The following GALNT13 variants were observed in gnomAD, a reference collection of about 807,000 sequenced individuals.
The protein encoded by GALNT13 is UDP-GalNAc:polypeptide N-acetylgalactosaminyltransferase 13.
A neutral mutation model predicts 64.2 loss-of-function variants in GALNT13; 28 were observed. That is an observed-to-expected ratio of 0.44 (90% CI 0.32 to 0.60). The LOEUF (loss-of-function observed/expected upper bound fraction) is 0.60. GALNT13 is among the 20% of genes least tolerant of loss of function. GALNT13 has a pLI of 0.05. For synonymous variants in GALNT13, 214 were observed against 224.6 expected (o/e 0.95, Z 0.42); for missense variants, 577 against 669.8 (o/e 0.86, Z 1.53).
the GALNT13 span, among the ~76,000 whole-genome samples, chr2:153,450,470 T>G: frequency 2.6e-5 from 4 of 152,188 alleles, no homozygotes; most frequent in African/African-American, 9.6e-5. Context: ...AGACGCTGGT[T>G]TTGTCACTGA....
At chr2:153,497,542 T>A in the GALNT13 span, among the ~76,000 whole-genome samples, 52 of 127,426 alleles carry the variant, frequency 4.1e-4, no homozygotes, top group African/African-American at 3.3e-4. Flanking sequence ...TTTTTTTTTT[T>A]TTTTTTTTTT....
chr2:153,676,927 G>A, the GALNT13 span, among the ~76,000 whole-genome samples: 67 of 151,948 alleles, frequency 4.4e-4, no homozygotes, highest in Non-Finnish European at 5.0e-4. Flanking sequence ...TAATCATACC[G>A]AATGGGCAAA....
At chr2:153,193,617 AT>A in the GALNT13 span, among the ~76,000 whole-genome samples, 2 of 151,388 alleles carry the variant, frequency 1.3e-5, no homozygotes, top group African/African-American at 2.4e-5. Flanking sequence ...AAACAAAAAA[AT>A]AGGTTTATAA....
At chr2:153,867,343 G>T (rs1250386726), upstream of GALNT13, among the ~76,000 whole-genome samples, 1 of 152,078 alleles carries the variant, frequency 6.6e-6, no homozygotes, top group Non-Finnish European at 1.5e-5. Flanking sequence ...ACTTCTGATG[G>T]GTGTAGTGAT....
the GALNT13 span, among the ~76,000 whole-genome samples, chr2:153,247,425 A>G: frequency 2.0e-5 from 3 of 152,356 alleles, no homozygotes; most frequent in East Asian, 5.8e-4. Context: ...AATGGAAATC[A>G]TAACTAACAG....
the GALNT13 span, among the ~76,000 whole-genome samples, chr2:153,407,975 A>ACAGTAGCATTTCTTACAGTAGCATTAT: frequency 1.3e-5 from 2 of 152,182 alleles, no homozygotes; most frequent in Non-Finnish European, 2.9e-5. Context: ...GAAATGCGTG[A>ACAGTAGCATTTCTTACAGTAGCATTAT]TTTACAGTAA....
intron 3 of GALNT13, among the ~76,000 whole-genome samples, chr2:154,114,614 C>T (rs1224117386): frequency 6.6e-6 from 1 of 152,130 alleles, no homozygotes; most frequent in East Asian, 1.9e-4. Flanking sequence ...GACTCCCCTT[C>T]ATTCAAGGGG....
chr2:154,261,225 A>G (rs189207687), intron 8 of GALNT13, among the ~76,000 whole-genome samples: 2 of 152,278 alleles, frequency 1.3e-5, no homozygotes, highest in East Asian at 3.9e-4. Context: ...CTCAAAAATG[A>G]CACAGGAGGT....
At chr2:153,717,040 G>T in the GALNT13 span, among the ~76,000 whole-genome samples, 1 of 152,020 alleles carries the variant, frequency 6.6e-6, no homozygotes, top group Non-Finnish European at 1.5e-5. Flanking sequence ...TCTATAGCAG[G>T]AAGGATTAAG....
intron 12 of GALNT13, among the ~76,000 whole-genome samples, chr2:154,446,292 C>A (rs1305510664): frequency 1.3e-5 from 2 of 152,014 alleles, no homozygotes; most frequent in Admixed American, 6.6e-5. Flanking sequence ...AGAATATAAT[C>A]TTTTATATCT....
chr2:153,409,313 A>T, the GALNT13 span, among the ~76,000 whole-genome samples: 205 of 140,116 alleles, frequency 1.5e-3, 1 homozygote, highest in African/African-American at 4.9e-3. Flanking sequence ...TATATATATG[A>T]ATATGTATAT....
At chr2:153,410,678 T>G in the GALNT13 span, among the ~76,000 whole-genome samples, 76 of 152,218 alleles carry the variant, frequency 5.0e-4, no homozygotes, top group Non-Finnish European at 8.7e-4. Context: ...GATGTAGAGA[T>G]ATAATGTAAA....
At chr2:154,223,840 C>A (rs1253576943) in intron 4 of GALNT13, among the ~76,000 whole-genome samples, 1 of 151,944 alleles carries the variant, frequency 6.6e-6, no homozygotes, top group Non-Finnish European at 1.5e-5. Context: ...TGATTGCAGT[C>A]AGTAAGGCAT....
chr2:153,871,727 C>T (rs1001002919), upstream of GALNT13, among the ~76,000 whole-genome samples: 2 of 152,158 alleles, frequency 1.3e-5, no homozygotes, highest in Non-Finnish European at 2.9e-5. Flanking sequence ...GGAGCGCGCT[C>T]GGTGCGCACC....
the GALNT13 span, among the ~76,000 whole-genome samples, chr2:153,836,816 G>A: frequency 1.3e-5 from 2 of 152,002 alleles, no homozygotes; most frequent in Non-Finnish European, 2.9e-5. Context: ...CTTCATCCAT[G>A]TCCCTACAAA....
At chr2:153,724,418 C>T in the GALNT13 span, among the ~76,000 whole-genome samples, 3 of 118,346 alleles carry the variant, frequency 2.5e-5, no homozygotes, top group Admixed American at 8.3e-5. Context: ...GTCCAAAACA[C>T]CAAAAGCAAT....
At chr2:154,206,244 G>A (rs1004288412) in intron 4 of GALNT13, among the ~76,000 whole-genome samples, 24 of 151,356 alleles carry the variant, frequency 1.6e-4, no homozygotes, top group Non-Finnish European at 2.4e-4. Flanking sequence ...CTTGTGATCC[G>A]CCCGCCTCGG....
At chr2:154,334,771 TCTCTC>T (rs1695350457) in intron 9 of GALNT13, among the ~76,000 whole-genome samples, 2 of 152,028 alleles carry the variant, frequency 1.3e-5, no homozygotes, top group Non-Finnish European at 2.9e-5. Context: ...CCTCCAATCT[TCTCTC>T]CACTCCAATT....
chr2:153,461,809 A>G, the GALNT13 span, among the ~76,000 whole-genome samples: 1 of 152,138 alleles, frequency 6.6e-6, no homozygotes, highest in South Asian at 2.1e-4. Flanking sequence ...AAGAACGAGA[A>G]TAAGATGCCA....
Sources: gnomAD v4.1 joint callset for allele counts (sites outside exome capture counted in the v4.1 genomes callset) on GRCh38, gnomAD v4.1.1 for gene constraint, MANE v1.5 for transcripts, NCBI Gene and HGNC (gene_info 2026-07-23, HGNC 2026-07-21) for gene names.